SLIT2: variants seen among roughly 807,000 people sequenced by gnomAD.
The protein encoded by SLIT2 is slit guidance ligand 2, also known as slit homolog 2 protein.
A neutral mutation model predicts 185.7 loss-of-function variants in SLIT2; 41 were observed. The ratio of observed to expected loss-of-function variants is 0.22; its 90% confidence interval spans 0.17 to 0.29. The LOEUF (loss-of-function observed/expected upper bound fraction) is 0.29, where lower values mean the gene tolerates loss of function less well. Ranked by LOEUF, SLIT2 falls within the 10% of genes least tolerant of loss-of-function variation. SLIT2 has a pLI of 1.00. For missense variants in SLIT2, 1,571 were observed against 1,909.0 expected (o/e 0.82, Z 3.30); for synonymous variants, 693 against 680.2 (o/e 1.02, Z -0.29).
At position 20,542,861 on chromosome 4, in the gene SLIT2, T is replaced by C. The variant is rs1249233355; in HGVS notation, c.2276+235T>C. ...GTGTGTGTGTGTGTGTGTGTGTGTG[T>C]GCGCTATAAGATTTCTCAGTGCCTT... On this transcript the variant is annotated intron_variant, in intron 21 of 36. Transcript: ENST00000504154. 6.7e-4 allele frequency among the ~76,000 whole-genome samples: 32 copies of C among 47,996 alleles called. 1 individual carries two copies. The highest frequency in any genetic ancestry group is 5.0e-4 in the Non-Finnish European group (15 of 30,286). The allele number at this position is 47,996 out of a possible 152,430, so 31.5% of individuals were successfully genotyped here.
intron 4 of SLIT2, among the ~76,000 whole-genome samples, chr4:20,298,426 A>G (rs1030235932): frequency 4.6e-5 from 7 of 152,254 alleles, no homozygotes; most frequent in African/African-American, 1.7e-4. Flanking sequence ...AAATGGTCTT[A>G]TAGGAATTTC....
intron 9 of SLIT2, among the ~76,000 whole-genome samples, chr4:20,503,490 T>A (rs1436040258): frequency 6.6e-6 from 1 of 152,124 alleles, no homozygotes; most frequent in African/African-American, 2.4e-5. Flanking sequence ...GATTTAAAAA[T>A]ATATATATGA....
chr4:20,417,709 G>C (rs552823665), intron 4 of SLIT2, among the ~76,000 whole-genome samples: 105 of 151,680 alleles, frequency 6.9e-4, no homozygotes, highest in Admixed American at 5.7e-3. Context: ...TAGTAGAGAA[G>C]AGCTTTCACT....
At chr4:20,490,840 C>G (rs1174842160) in intron 8 of SLIT2, 2 of 1,502,330 alleles carry the variant, frequency 1.3e-6, no homozygotes, top group African/African-American at 1.4e-5. Flanking sequence ...TTTTTTAGAC[C>G]GAGGATATTT....
chr4:20,344,844 A>AT (rs1553883549), intron 4 of SLIT2, among the ~76,000 whole-genome samples: 2 of 151,922 alleles, frequency 1.3e-5, no homozygotes, highest in Non-Finnish European at 2.9e-5. Flanking sequence ...TCTTTCTGTT[A>AT]TTTTTTCTGC....
chr4:20,393,632 T>C (rs1011766004), intron 4 of SLIT2: 22 of 152,078 alleles, frequency 1.4e-4, no homozygotes, highest in African/African-American at 5.1e-4. Context: ...ATGTGTACCT[T>C]GGAATGGAAA....
rs564596888 is a variant in SLIT2 at position 20,390,761 on chromosome 4, T to G, written c.396-76991T>G. Among the ~76,000 whole-genome samples, 137 of 76,850 alleles carry G rather than the reference T, an allele frequency of 1.8e-3. 1 individual carries two copies. The highest frequency in any genetic ancestry group is 4.3e-3 in the African/African-American group (127 of 29,350). The allele number at this position is 76,850 out of a possible 152,430, so 50.4% of individuals were successfully genotyped here. ...TCAACATTTTAGAAAAAGATCTTAT[T>G]TTTTTTTTTTAAAAAAAAATATATA... On this transcript the variant is annotated intron_variant, in intron 4 of 36. Coordinates refer to ENST00000504154, the MANE Select transcript of SLIT2 (RefSeq NM_004787.4).
intron 9 of SLIT2, among the ~76,000 whole-genome samples, chr4:20,507,728 A>G (rs1403811461): frequency 6.6e-6 from 1 of 151,788 alleles, no homozygotes; most frequent in Non-Finnish European, 1.5e-5. Flanking sequence ...AATATCTATG[A>G]AAAGTAGTAT....
chr4:20,611,082 G>C (rs1298480607), intron 34 of SLIT2, among the ~76,000 whole-genome samples: 1 of 152,140 alleles, frequency 6.6e-6, no homozygotes, highest in Non-Finnish European at 1.5e-5. Flanking sequence ...AAATTACATT[G>C]AATTTATTTG....
intron 4 of SLIT2, among the ~76,000 whole-genome samples, chr4:20,269,352 T>C (rs1397455247): frequency 6.6e-6 from 1 of 151,882 alleles, no homozygotes; most frequent in East Asian, 1.9e-4. Flanking sequence ...GTAAATTTCC[T>C]CTTAAATGTT....
At chr4:20,330,807 G>T (rs1486397887) in intron 4 of SLIT2, among the ~76,000 whole-genome samples, 1 of 151,842 alleles carries the variant, frequency 6.6e-6, no homozygotes, top group Non-Finnish European at 1.5e-5. Flanking sequence ...TCAAGTCATG[G>T]TCTTACAGAG....
intron 4 of SLIT2, among the ~76,000 whole-genome samples, chr4:20,279,534 A>G (rs546976037): frequency 1.3e-5 from 2 of 152,268 alleles, no homozygotes; most frequent in African/African-American, 4.8e-5. Flanking sequence ...GTACATTATA[A>G]TGTGGTACAG....
rs562724526 is a variant in SLIT2 at position 20,413,935 on chromosome 4, C to A, written c.396-53817C>A. 5.2e-4 allele frequency among the ~76,000 whole-genome samples: 79 copies of A among 151,936 alleles called. No homozygotes were observed. In the South Asian group the frequency reaches 0.014, roughly 28 times the overall value. ...TTACTTAGTAAAGTAATATTTGGTC[C>A]ATTTAATTACTGACAAATTAGGATT... On this transcript the variant is annotated intron_variant, in intron 4 of 36. Coordinates refer to ENST00000504154, the MANE Select transcript of SLIT2 (RefSeq NM_004787.4).
At chr4:20,278,045 C>G (rs1263005796) in intron 4 of SLIT2, among the ~76,000 whole-genome samples, 3 of 151,572 alleles carry the variant, frequency 2.0e-5, no homozygotes, top group Non-Finnish European at 4.4e-5. Context: ...CTTTTTTATT[C>G]CCATTTTATC....
At chr4:20,570,568 A>G (rs1422054830) in intron 29 of SLIT2, among the ~76,000 whole-genome samples, 1 of 151,612 alleles carries the variant, frequency 6.6e-6, no homozygotes, top group African/African-American at 2.4e-5. Context: ...TCTCTTTTCC[A>G]TCATTTTCCT....
At position 20,254,073 on chromosome 4, in the gene SLIT2, C is replaced by A. The variant is rs1438103128; in HGVS notation, c.179+79C>A. 2.8e-6 allele frequency: 4 copies of A among 1,444,914 alleles called. No individual in the cohort carries two copies. Among genetic ancestry groups the A allele is most frequent in the African/African-American group, 2.8e-5 (2 of 71,370 alleles). 89.5% of individuals were successfully genotyped at this position (1,444,914 alleles called of 1,614,324 possible). ...CCTCCACTGGAGGAACCTGTCAGCT[C>A]AGGGTCCTGTGCCTGGGGCAGCCCT... On this transcript the variant is annotated intron_variant, in intron 1 of 36. Coordinates refer to ENST00000504154, the MANE Select transcript of SLIT2 (RefSeq NM_004787.4). The surrounding 1 kb of genome is among the most constrained non-coding windows in gnomAD (Gnocchi z 5.1).
At chr4:20,520,768 C>A (rs1720772236) in intron 12 of SLIT2, among the ~76,000 whole-genome samples, 1 of 152,128 alleles carries the variant, frequency 6.6e-6, no homozygotes, top group Non-Finnish European at 1.5e-5. Flanking sequence ...GTAGTGCTCT[C>A]TTTTCTGTTC....
intron 4 of SLIT2, among the ~76,000 whole-genome samples, chr4:20,332,122 A>G (rs774751538): frequency 3.3e-5 from 5 of 152,044 alleles, no homozygotes; most frequent in African/African-American, 9.7e-5. Context: ...ATTGTTTCCA[A>G]TTCTCTTGTG....
chr4:20,523,724 G>A (rs547209643), intron 12 of SLIT2, 36 bp from the exon 13 acceptor site: 3 of 1,598,232 alleles, frequency 1.9e-6, no homozygotes, highest in African/African-American at 2.7e-5. Flanking sequence ...TTAATAAGAT[G>A]CTACACTTTA....
Sources: allele counts gnomAD v4.1 joint callset (sites outside exome capture counted in the v4.1 genomes callset), GRCh38; gene constraint gnomAD v4.1.1; non-coding constraint Gnocchi (gnomAD v3.1); transcripts MANE v1.5; gene names NCBI Gene and HGNC (gene_info 2026-07-23, HGNC 2026-07-21).